Variants in TRAK2 observed in about 807,000 individuals in gnomAD.
TRAK2 encodes the protein trafficking kinesin protein 2.
TRAK2 carries 81 observed loss-of-function variants against 104.6 expected under a neutral mutation model. The observed-to-expected ratio is 0.77, with a 90% CI of 0.65 to 0.93. The LOEUF (loss-of-function observed/expected upper bound fraction) is 0.93. Ranked by LOEUF, TRAK2 falls within the 40% of genes least tolerant of loss-of-function variation. The probability of loss-of-function intolerance (pLI) is 0.00; values close to 1 mark genes in which losing one functional copy is unlikely to be tolerated. For missense variants in TRAK2, 1,002 were observed against 1,089.0 expected, an observed-to-expected ratio of 0.92 and a Z score of 1.12; for synonymous variants, 406 against 394.4, an observed-to-expected ratio of 1.03 and a Z score of -0.35.
At chr2:201,429,062 T>G (rs1476411034) in intron 1 of TRAK2, among the ~76,000 whole-genome samples, 1 of 152,232 alleles carries the variant, frequency 6.6e-6, no homozygotes, top group Non-Finnish European at 1.5e-5. Flanking sequence ...TTAAGGAGAT[T>G]TTGGGCTGAG....
chr2:201,380,961 G>A lies in TRAK2; in HGVS notation c.2327C>T (p.Thr776Ile). 2 of 1,614,154 alleles carry A rather than the reference G, an allele frequency of 1.2e-6. No homozygotes were observed. Among genetic ancestry groups the A allele is most frequent in the South Asian group, 1.1e-5 (1 of 91,086 alleles). The change falls in exon 16 of 16, where the codon ACA becomes ATA. Residue 776 changes from threonine (T) to isoleucine (I), a missense_variant. Physicochemically the swap from Thr to Ile is moderately conservative, Grantham distance 89. Transcript: ENST00000332624. The part of the protein sequence containing the change: ...PLPKSLAIPS[T>I]PPNSPSHSPC... ...TGAGTGAGATGGTGAATTTGGTGGT[G>A]TGGAAGGGATAGCCAGGGATTTAGG...
At chr2:201,404,961 A>G (rs1951580806) in intron 3 of TRAK2, among the ~76,000 whole-genome samples, 1 of 152,168 alleles carries the variant, frequency 6.6e-6, no homozygotes, top group Admixed American at 6.5e-5. Context: ...GATACACACC[A>G]TCTAGGGCAG....
chr2:201,384,271 T>A, intron 14 of TRAK2, 55 bp from the exon 15 acceptor site: 2 of 1,260,266 alleles, frequency 1.6e-6, no homozygotes, highest in Admixed American at 1.9e-5. Flanking sequence ...ATTAATAATG[T>A]AAAAAGCTCA....
At chr2:201,419,259 A>C (rs187674450) in intron 2 of TRAK2, 66 of 152,806 alleles carry the variant, frequency 4.3e-4, no homozygotes, top group East Asian at 4.2e-3. Context: ...CCACAGGCCA[A>C]CTTCGGCTTG....
At chr2:201,441,797 T>G (rs762561039) in intron 1 of TRAK2, among the ~76,000 whole-genome samples, 1 of 151,644 alleles carries the variant, frequency 6.6e-6, no homozygotes. Flanking sequence ...GTTTAAGCGA[T>G]TCTCCTGCCT....
chr2:201,432,527 A>G (rs1025600422), intron 1 of TRAK2, among the ~76,000 whole-genome samples: 3 of 152,256 alleles, frequency 2.0e-5, no homozygotes, highest in African/African-American at 7.2e-5. Context: ...AAAATAATCA[A>G]GTAACTTATT....
At chr2:201,439,239 A>G (rs1951900866) in intron 1 of TRAK2, among the ~76,000 whole-genome samples, 1 of 152,208 alleles carries the variant, frequency 6.6e-6, no homozygotes, top group African/African-American at 2.4e-5. Context: ...AATTTACAAA[A>G]GTCTACATAG....
chr2:201,419,030 GTAAGA>G (rs1276303251), intron 2 of TRAK2, among the ~76,000 whole-genome samples: 1 of 152,138 alleles, frequency 6.6e-6, no homozygotes, highest in Non-Finnish European at 1.5e-5. Flanking sequence ...CATTTCAATA[GTAAGA>G]TAAATTTTTA....
At chr2:201,423,724 ATG>A (rs764871335) in intron 1 of TRAK2, 3 of 152,136 alleles carry the variant, frequency 2.0e-5, no homozygotes, top group Non-Finnish European at 4.4e-5. Context: ...CAAATTTTAC[ATG>A]TCTTTTACTG....
chr2:201,444,295 A>T (rs1036335459), intron 1 of TRAK2, among the ~76,000 whole-genome samples: 40 of 152,126 alleles, frequency 2.6e-4, no homozygotes, highest in Non-Finnish European at 5.1e-4. Flanking sequence ...CACACCTCTC[A>T]TCACAGTCTG....
intron 10 of TRAK2, among the ~76,000 whole-genome samples, chr2:201,390,824 TA>T (rs942288686): frequency 2.7e-5 from 4 of 149,478 alleles, no homozygotes; most frequent in East Asian, 1.9e-4. Context: ...AAAAATCATT[TA>T]AAAAAAAAGC....
intron 1 of TRAK2, among the ~76,000 whole-genome samples, chr2:201,439,464 AAC>A (rs1174829714): frequency 6.6e-6 from 1 of 152,112 alleles, no homozygotes; most frequent in Non-Finnish European, 1.5e-5. Flanking sequence ...TCCTGAAGTT[AAC>A]ACATGATAAC....
chr2:201,389,791 C>T lies in TRAK2; in HGVS notation c.1193+10G>A. The T allele has an allele frequency of 6.2e-7, 1 of 1,603,522 alleles. No homozygotes were observed. On this transcript the variant is annotated intron_variant, in intron 11 of 15. Coordinates refer to ENST00000332624, the MANE Select transcript of TRAK2 (RefSeq NM_015049.3). ...ATGATTGAGTAACAACACATGTGAC[C>T]TGTACTTACTTTTGTTTAAAGAGAG...
chr2:201,431,621 T>A (rs1380131431), intron 1 of TRAK2, among the ~76,000 whole-genome samples: 1 of 152,250 alleles, frequency 6.6e-6, no homozygotes, highest in Non-Finnish European at 1.5e-5. Context: ...TAAAACTGGA[T>A]AATCCAGCAT....
intron 1 of TRAK2, among the ~76,000 whole-genome samples, chr2:201,426,678 T>C (rs1021901937): frequency 3.3e-5 from 5 of 152,208 alleles, no homozygotes; most frequent in Non-Finnish European, 1.5e-5. Context: ...CAAGTTGAAC[T>C]AAGAACTAAG....
At chr2:201,423,900 G>T (rs1477189972) in intron 1 of TRAK2, among the ~76,000 whole-genome samples, 1 of 152,074 alleles carries the variant, frequency 6.6e-6, no homozygotes, top group African/African-American at 2.4e-5. Flanking sequence ...CTATTTTCTT[G>T]AAATATGTTT....
intron 2 of TRAK2, among the ~76,000 whole-genome samples, chr2:201,415,656 A>G (rs539534701): frequency 6.6e-6 from 1 of 152,344 alleles, no homozygotes; most frequent in East Asian, 1.9e-4. Flanking sequence ...TTGAAGGCAT[A>G]GCAATAGAAA....
intron 2 of TRAK2, among the ~76,000 whole-genome samples, chr2:201,409,278 G>A (rs1347396208): frequency 2.7e-5 from 4 of 150,578 alleles, no homozygotes; most frequent in African/African-American, 4.9e-5. Context: ...ATCAATGTCA[G>A]CTTTTTTTTT....
rs764951206 is a variant in TRAK2 at position 201,381,002 on chromosome 2, G to C, written c.2286C>G (p.Asn762Lys). 1.9e-6 allele frequency: 3 copies of C among 1,614,122 alleles called. No homozygotes were observed. In the South Asian group the frequency reaches 3.3e-5, roughly 18 times the overall value. ...GGGATTTAGGGAGAGGCTGGAGGGG[G>C]TTCTCTGAAATTGGGCTGTGGTACA... ...AKVYHSPISE[N>K]PLQPLPKSLA... The change falls in exon 16 of 16, where the codon AAC becomes AAG. Residue 762 changes from asparagine (N) to lysine (K), a missense_variant. Physicochemically the swap from Asn to Lys is moderately conservative, Grantham distance 94 (BLOSUM62 0). Transcript: ENST00000332624.
Sources: allele counts gnomAD v4.1 joint callset (sites outside exome capture counted in the v4.1 genomes callset), GRCh38; gene constraint gnomAD v4.1.1; transcripts MANE v1.5; gene names NCBI Gene and HGNC (gene_info 2026-07-23, HGNC 2026-07-21).